CPQ: variants seen among roughly 807,000 people sequenced by gnomAD.
The protein encoded by CPQ is Ser-Met dipeptidase.
A neutral mutation model predicts 45.7 loss-of-function variants in CPQ; 37 were observed. That is an observed-to-expected ratio of 0.81 (90% CI 0.62 to 1.07). The LOEUF is 1.07. Ranked by LOEUF, CPQ falls within the 50% of genes least tolerant of loss-of-function variation. The pLI is 0.00. For synonymous variants in CPQ, 186 were observed against 205.8 expected (o/e 0.90, Z 0.82); for missense variants, 537 against 572.9 (o/e 0.94, Z 0.64).
At chr8:96,824,698 G>GTC (rs1042500349) in intron 2 of CPQ, among the ~76,000 whole-genome samples, 3 of 151,930 alleles carry the variant, frequency 2.0e-5, no homozygotes, top group Non-Finnish European at 4.4e-5. Context: ...TTACCATAGC[G>GTC]TATGTGCCTA....
chr8:96,732,097 G>A (rs1809920881), intron 1 of CPQ, among the ~76,000 whole-genome samples: 1 of 152,132 alleles, frequency 6.6e-6, no homozygotes, highest in African/African-American at 2.4e-5. Flanking sequence ...GAATAATATT[G>A]AGTAGAATAC....
rs149422138 is a variant in CPQ at position 96,766,074 on chromosome 8, A to C, written c.-34-18790A>C. Reference sequence around the variant, plus strand: ...AAAGAAGCGGGGGAAATTGTCTCTTACTACTCTATGACAATGAGCAAATCA... The same window carrying C: ...AAAGAAGCGGGGGAAATTGTCTCTTCCTACTCTATGACAATGAGCAAATCA... On this transcript the variant is annotated intron_variant, in intron 1 of 7. Coordinates refer to ENST00000220763, the MANE Select transcript of CPQ (RefSeq NM_016134.4). 3.3e-3 allele frequency among the ~76,000 whole-genome samples: 505 copies of C among 152,294 alleles called. 2 individuals are homozygous for C. The highest frequency in any genetic ancestry group is 0.012 in the African/African-American group (481 of 41,562).
In CPQ at chr8:96,877,029, G is replaced by A. The variant is rs1322660395; in HGVS notation, c.642-2769G>A. On this transcript the variant is annotated intron_variant, in intron 3 of 7. Coordinates refer to ENST00000220763, the MANE Select transcript of CPQ (RefSeq NM_016134.4). ...GTTATTAATCTTTAAATCTTATTTA[G>A]ATTAGTTATGGCTTCCTTGGTAGTT... Among the ~76,000 whole-genome samples the A allele has an allele frequency of 3.3e-5, 5 of 152,190 alleles. No homozygotes were observed. The East Asian group carries it at 7.7e-4, about 24-fold the overall frequency.
At chr8:96,965,865 C>A in intron 4 of CPQ, 70 bp from the exon 5 acceptor site, 16 of 886,838 alleles carry the variant, frequency 1.8e-5, no homozygotes, top group South Asian at 7.8e-5. Flanking sequence ...TTTTGAATAC[C>A]TATAAATGTT....
intron 1 of CPQ, among the ~76,000 whole-genome samples, chr8:96,683,673 T>C (rs1038573289): frequency 5.3e-5 from 8 of 152,096 alleles, no homozygotes; most frequent in Admixed American, 2.6e-4. Flanking sequence ...TTTTTTTCTT[T>C]TTATGGTGTC....
rs570409989 is a variant in CPQ at position 96,945,660 on chromosome 8, T to C, written c.850-20275T>C. Among the ~76,000 whole-genome samples, 11 of 152,266 alleles carry C rather than the reference T, an allele frequency of 7.2e-5. No individual in the cohort carries two copies. The South Asian group carries it at 1.7e-3, about 23-fold the overall frequency. ...CACCTCTTTCAAGTTAGGTTTGAAG[T>C]TGGAAGAATTACAACATATTTCTAT... On this transcript the variant is annotated intron_variant, in intron 4 of 7. Coordinates refer to ENST00000220763, the MANE Select transcript of CPQ (RefSeq NM_016134.4).
At chr8:97,110,665 A>G (rs565256358) in intron 7 of CPQ, among the ~76,000 whole-genome samples, 1 of 152,150 alleles carries the variant, frequency 6.6e-6, no homozygotes, top group African/African-American at 2.4e-5. Context: ...TTTTGGCATC[A>G]CTGCCTATAT....
intron 4 of CPQ, among the ~76,000 whole-genome samples, chr8:96,892,978 A>G (rs1812397405): frequency 6.6e-6 from 1 of 152,222 alleles, no homozygotes; most frequent in African/African-American, 2.4e-5. Flanking sequence ...AGTACATGGC[A>G]AGTGTATATG....
chr8:96,825,152 G>A (rs1247188269), intron 2 of CPQ, among the ~76,000 whole-genome samples: 1 of 151,900 alleles, frequency 6.6e-6, no homozygotes, highest in African/African-American at 2.4e-5. Flanking sequence ...CCTTTCCTAT[G>A]GCCATGGTAT....
At chr8:96,957,830 A>C (rs1586466756) in intron 4 of CPQ, among the ~76,000 whole-genome samples, 2 of 149,512 alleles carry the variant, frequency 1.3e-5, no homozygotes, top group African/African-American at 2.5e-5. Flanking sequence ...TCTGTAGGGT[A>C]CCAAATGCTT....
chr8:96,879,689 G>A, intron 3 of CPQ, 109 bp from the exon 4 acceptor site: 1 of 718,106 alleles, frequency 1.4e-6, no homozygotes, highest in Non-Finnish European at 2.4e-6. Context: ...CTGTTTCCCA[G>A]ATGCAAACAA....
chr8:96,740,124 C>T (rs1258212280), intron 1 of CPQ, among the ~76,000 whole-genome samples: 1 of 151,702 alleles, frequency 6.6e-6, no homozygotes, highest in Non-Finnish European at 1.5e-5. Context: ...TGTTTGTATC[C>T]TCTTTTATTT....
chr8:97,128,175 TGCA>T, intron 7 of CPQ, among the ~76,000 whole-genome samples: 1 of 152,374 alleles, frequency 6.6e-6, no homozygotes, highest in East Asian at 1.9e-4. Flanking sequence ...CCCAAGGTTT[TGCA>T]GCACTATGAA....
chr8:97,087,914 G>C (rs1586535038), intron 7 of CPQ, among the ~76,000 whole-genome samples: 1 of 152,028 alleles, frequency 6.6e-6, no homozygotes, highest in Non-Finnish European at 1.5e-5. Flanking sequence ...AATATTTCTA[G>C]GTATCTTGTT....
intron 1 of CPQ, among the ~76,000 whole-genome samples, chr8:96,668,236 A>G (rs555160003): frequency 1.3e-5 from 2 of 152,326 alleles, no homozygotes; most frequent in Admixed American, 1.3e-4. Context: ...TTATTCAGTC[A>G]ACAAATATTT....
intron 1 of CPQ, among the ~76,000 whole-genome samples, chr8:96,734,784 A>G (rs2130773163): frequency 6.6e-6 from 1 of 152,208 alleles, no homozygotes; most frequent in South Asian, 2.1e-4. Context: ...ATCCTCTGAC[A>G]ACTTCCCAGG....
At chr8:96,926,564 C>CTTCTTCTTCTTCT (rs1563530761) in intron 4 of CPQ, among the ~76,000 whole-genome samples, 10 of 64,316 alleles carry the variant, frequency 1.6e-4, no homozygotes, top group African/African-American at 6.5e-4. Flanking sequence ...CTTCCTCTTC[C>CTTCTTCTTCTTCT]TCTTCCTCTT....
At chr8:96,927,325 T>C (rs1812905708) in intron 4 of CPQ, among the ~76,000 whole-genome samples, 1 of 152,172 alleles carries the variant, frequency 6.6e-6, no homozygotes, top group South Asian at 2.1e-4. Flanking sequence ...GTGTTCCCCA[T>C]CGTGCATGCA....
chr8:96,882,771 A>T (rs1173267175), intron 4 of CPQ, among the ~76,000 whole-genome samples: 2 of 152,342 alleles, frequency 1.3e-5, no homozygotes, highest in African/African-American at 4.8e-5. Flanking sequence ...TTTATTTTTT[A>T]AAATCAGCTG....
Sources: gnomAD v4.1 joint callset for allele counts (sites outside exome capture counted in the v4.1 genomes callset) on GRCh38, gnomAD v4.1.1 for gene constraint, MANE v1.5 for transcripts, NCBI Gene and HGNC (gene_info 2026-07-23, HGNC 2026-07-21) for gene names.